The following SUPT3H variants were observed in gnomAD, a reference collection of about 807,000 sequenced individuals.
SUPT3H encodes the protein SPT3 homolog, SAGA and STAGA complex component, also known as transcription initiation protein SPT3 homolog.
In SUPT3H, 44 loss-of-function variants were observed where a neutral mutation model predicts 44.3. That is an observed-to-expected ratio of 0.99 (90% CI 0.78 to 1.28). The LOEUF (loss-of-function observed/expected upper bound fraction) is 1.28. Among genes scored for constraint, SUPT3H ranks in the 50% most tolerant of loss-of-function variants. SUPT3H has a pLI of 0.00. For synonymous variants in SUPT3H, 124 were observed against 125.6 expected (o/e 0.99, Z 0.09); for missense variants, 380 against 387.1 (o/e 0.98, Z 0.15).
chr6:45,279,436 T>C (rs1218006536), intron 2 of SUPT3H, among the ~76,000 whole-genome samples: 1 of 152,218 alleles, frequency 6.6e-6, no homozygotes, highest in Non-Finnish European at 1.5e-5. Flanking sequence ...CAGGAAATGT[T>C]TGGGTCATGG....
intron 5 of SUPT3H, among the ~76,000 whole-genome samples, chr6:45,006,974 T>G (rs1460448507): frequency 6.6e-6 from 1 of 152,182 alleles, no homozygotes; most frequent in Non-Finnish European, 1.5e-5. Flanking sequence ...ATGATTTACT[T>G]TCTGCATTTG....
intron 10 of SUPT3H, among the ~76,000 whole-genome samples, chr6:44,851,932 T>C (rs1397293973): frequency 1.3e-5 from 2 of 152,154 alleles, no homozygotes; most frequent in East Asian, 3.9e-4. Context: ...TCCAGGAACT[T>C]AGTCTGCCAA....
chr6:44,856,528 A>T (rs1024996207), intron 10 of SUPT3H, among the ~76,000 whole-genome samples: 3 of 152,216 alleles, frequency 2.0e-5, no homozygotes, highest in African/African-American at 7.2e-5. Context: ...AAGTGCCCTA[A>T]AATGTGGTTT....
chr6:45,255,418 GTT>G (rs11394172), intron 2 of SUPT3H, among the ~76,000 whole-genome samples: 5 of 116,196 alleles, frequency 4.3e-5, no homozygotes, highest in Admixed American at 9.4e-5. Context: ...CCTATAATAG[GTT>G]TTTTTTTTTT....
intron 2 of SUPT3H, among the ~76,000 whole-genome samples, chr6:45,331,369 T>TC (rs1787473647): frequency 1.3e-5 from 2 of 152,014 alleles, no homozygotes; most frequent in African/African-American, 2.4e-5. Flanking sequence ...TGCTTGAACA[T>TC]GATGTGTGAA....
At chr6:44,839,290 CA>C (rs1460201958) in intron 10 of SUPT3H, among the ~76,000 whole-genome samples, 1 of 151,498 alleles carries the variant, frequency 6.6e-6, no homozygotes, top group East Asian at 1.9e-4. Context: ...TTAAGCGCAT[CA>C]AAAATAAATG....
chr6:45,040,012 C>T (rs1253214122), intron 3 of SUPT3H, among the ~76,000 whole-genome samples: 1 of 152,146 alleles, frequency 6.6e-6, no homozygotes, highest in Non-Finnish European at 1.5e-5. Context: ...TGTCAGGGGA[C>T]TTATGGGATG....
intron 2 of SUPT3H, among the ~76,000 whole-genome samples, chr6:45,126,604 G>A (rs1195985732): frequency 6.6e-6 from 1 of 152,106 alleles, no homozygotes; most frequent in Non-Finnish European, 1.5e-5. Flanking sequence ...GAATGTTCTG[G>A]GATTGATAAT....
At chr6:45,062,788 C>T (rs1376349067) in intron 3 of SUPT3H, among the ~76,000 whole-genome samples, 2 of 152,130 alleles carry the variant, frequency 1.3e-5, no homozygotes, top group Non-Finnish European at 2.9e-5. Context: ...GATTATATCT[C>T]ACACCTGGCT....
intron 2 of SUPT3H, among the ~76,000 whole-genome samples, chr6:45,139,033 A>G (rs1005899539): frequency 6.6e-6 from 1 of 152,186 alleles, no homozygotes; most frequent in African/African-American, 2.4e-5. Flanking sequence ...AAAAATTCCT[A>G]GCTACCTCAA....
At chr6:45,143,001 G>C (rs1036135847) in intron 2 of SUPT3H, among the ~76,000 whole-genome samples, 4 of 151,500 alleles carry the variant, frequency 2.6e-5, no homozygotes, top group Non-Finnish European at 2.9e-5. Context: ...AGTCCAACAA[G>C]AAAATAACAC....
intron 2 of SUPT3H, chr6:45,328,484 T>C: frequency 1.3e-6 from 2 of 1,502,112 alleles, no homozygotes; most frequent in African/African-American, 1.4e-5. Context: ...AACCACAGTC[T>C]ATGCAGTAAT....
intron 2 of SUPT3H, among the ~76,000 whole-genome samples, chr6:45,264,439 C>A (rs941878168): frequency 6.6e-6 from 1 of 152,062 alleles, no homozygotes; most frequent in Non-Finnish European, 1.5e-5. Context: ...GCAGGTGGAT[C>A]ACTTGAGATC....
exon 12 of SUPT3H, chr6:44,809,409 G>A (rs772785260): frequency 5.3e-5 from 8 of 152,294 alleles, no homozygotes; most frequent in Middle Eastern, 3.4e-3. Flanking sequence ...AGAATTAAAC[G>A]AAGGAAGCTT....
chr6:45,331,589 C>T (rs917267600), intron 2 of SUPT3H, among the ~76,000 whole-genome samples: 1 of 151,844 alleles, frequency 6.6e-6, no homozygotes, highest in African/African-American at 2.4e-5. Flanking sequence ...CCCAAAGACT[C>T]ATATAAATTA....
At chr6:45,150,866 G>T (rs1451969808) in intron 2 of SUPT3H, among the ~76,000 whole-genome samples, 1 of 151,942 alleles carries the variant, frequency 6.6e-6, no homozygotes, top group Admixed American at 6.6e-5. Flanking sequence ...GGGACTACAG[G>T]CGTGCGCCAC....
intron 2 of SUPT3H, among the ~76,000 whole-genome samples, chr6:45,268,444 A>C (rs1438314749): frequency 1.3e-5 from 2 of 152,202 alleles, no homozygotes; most frequent in African/African-American, 4.8e-5. Flanking sequence ...CACAACAGAA[A>C]ATCCTTAAAA....
rs537613211 is a variant in SUPT3H at position 44,820,309 on chromosome 6, A to G, written c.*52+9455T>C. On this transcript the variant is annotated intron_variant and NMD_transcript_variant, in intron 11 of 11. Transcript: ENST00000475057. ...ACTAATTTCTGCTTGTAGTGGTCAA[A>G]TTTCTTATTTTGTTGGAGATGCACT... Among the ~76,000 whole-genome samples the G allele has an allele frequency of 6.6e-5, 10 of 152,326 alleles. No individual in the cohort carries two copies. The East Asian group carries it at 1.9e-3, about 29-fold the overall frequency.
intron 10 of SUPT3H, among the ~76,000 whole-genome samples, chr6:44,866,308 G>GA (rs1317417496): frequency 6.6e-6 from 1 of 151,880 alleles, no homozygotes; most frequent in East Asian, 1.9e-4. Context: ...TGGGGAAAAA[G>GA]AAAGAAAATA....
Sources: gnomAD v4.1 joint callset for allele counts (sites outside exome capture counted in the v4.1 genomes callset) on GRCh38, gnomAD v4.1.1 for gene constraint, MANE v1.5 for transcripts, NCBI Gene and HGNC (gene_info 2026-07-23, HGNC 2026-07-21) for gene names.